The following BMPER variants were observed in gnomAD, a reference collection of about 807,000 sequenced individuals.
The protein encoded by BMPER is BMP binding endothelial regulator.
A neutral mutation model predicts 87.3 loss-of-function variants in BMPER; 45 were observed. The observed-to-expected ratio is 0.52, with a 90% CI of 0.41 to 0.66. The LOEUF is 0.66. Ranked by LOEUF, BMPER falls within the 30% of genes least tolerant of loss-of-function variation. The pLI is 0.00. For synonymous variants in BMPER, 326 were observed against 316.2 expected, an observed-to-expected ratio of 1.03 and a Z score of -0.33; for missense variants, 784 against 867.5, an observed-to-expected ratio of 0.90 and a Z score of 1.21.
intron 2 of BMPER, among the ~76,000 whole-genome samples, chr7:33,915,705 G>T (rs185286211): frequency 6.6e-6 from 1 of 152,316 alleles, no homozygotes; most frequent in East Asian, 1.9e-4. Flanking sequence ...ATGGGTTAAA[G>T]GCCAAGATGT....
chr7:34,046,515 G>A, intron 7 of BMPER, 110 bp downstream of exon 7: 2 of 1,189,698 alleles, frequency 1.7e-6, no homozygotes, highest in Admixed American at 1.8e-5. Context: ...CCTATTTCGT[G>A]GCTTGTTAGA....
Position 34,072,043 on chromosome 7 carries a change from A to T in BMPER, c.1079-6814A>T, listed in dbSNP as rs1047238670. 4.4e-4 allele frequency among the ~76,000 whole-genome samples: 67 copies of T among 152,166 alleles called. 3 individuals carry two copies. The highest frequency in any genetic ancestry group is 1.5e-5 in the Non-Finnish European group (1 of 68,028). ...TTGAAGCCACAGTGTCTTGGGTTGG[A>T]TTCCGTCTTACAACTATTGGCCGAG... On this transcript the variant is annotated intron_variant, in intron 11 of 14. Coordinates refer to ENST00000649409, the MANE Select transcript of BMPER (RefSeq NM_001365308.1).
At chr7:34,016,205 A>G (rs1034851841) in intron 6 of BMPER, among the ~76,000 whole-genome samples, 1 of 151,938 alleles carries the variant, frequency 6.6e-6, no homozygotes, top group Non-Finnish European at 1.5e-5. Flanking sequence ...ATGTTTGCCA[A>G]TTACCTTACT....
intron 11 of BMPER, among the ~76,000 whole-genome samples, chr7:34,075,615 G>A (rs548698454): frequency 2.0e-5 from 3 of 152,284 alleles, no homozygotes; most frequent in East Asian, 1.9e-4. Context: ...ATTCAAACAA[G>A]GTTAGTTTCA....
intron 3 of BMPER, among the ~76,000 whole-genome samples, chr7:33,943,124 A>G (rs1172237244): frequency 2.6e-5 from 4 of 152,242 alleles, no homozygotes; most frequent in Non-Finnish European, 5.9e-5. Context: ...AAGTTAAACA[A>G]GAAAGGAGAA....
At chr7:34,005,882 T>A (rs767506240) in intron 6 of BMPER, among the ~76,000 whole-genome samples, 2 of 152,094 alleles carry the variant, frequency 1.3e-5, no homozygotes, top group Non-Finnish European at 2.9e-5. Context: ...TGAGGTTAAA[T>A]CTTTCCTTGT....
intron 2 of BMPER, among the ~76,000 whole-genome samples, chr7:33,916,791 C>A (rs1313213229): frequency 6.6e-6 from 1 of 152,156 alleles, no homozygotes; most frequent in Non-Finnish European, 1.5e-5. Flanking sequence ...AAGAGGTCCA[C>A]AACCTTGGGA....
intron 13 of BMPER, among the ~76,000 whole-genome samples, chr7:34,116,256 A>G (rs1790115958): frequency 6.6e-6 from 1 of 152,242 alleles, no homozygotes; most frequent in Admixed American, 6.5e-5. Flanking sequence ...GTAGTATACA[A>G]TAAAACACTG....
chr7:34,047,119 C>A (rs566270083), intron 7 of BMPER, among the ~76,000 whole-genome samples: 1 of 152,122 alleles, frequency 6.6e-6, no homozygotes, highest in South Asian at 2.1e-4. Flanking sequence ...TTCCTGAGCC[C>A]AGCTCTAACC....
intron 14 of BMPER, among the ~76,000 whole-genome samples, chr7:34,151,225 T>A (rs1791167408): frequency 1.3e-5 from 2 of 152,172 alleles, no homozygotes; most frequent in South Asian, 4.1e-4. Context: ...TCCAATCCCC[T>A]CTCTGTTGTG....
chr7:34,019,936 GTTTTTTTAGAAGGT>G (rs1384320170), intron 6 of BMPER, among the ~76,000 whole-genome samples: 5 of 150,300 alleles, frequency 3.3e-5, no homozygotes, highest in African/African-American at 9.8e-5. Flanking sequence ...GTTCTGTAAG[GTTTTTTTAGAAGGT>G]TTTTTTTTTT....
chr7:34,093,139 A>G (rs1585826082), intron 13 of BMPER, among the ~76,000 whole-genome samples: 1 of 152,220 alleles, frequency 6.6e-6, no homozygotes. Flanking sequence ...TAGGAAAAGG[A>G]TATAGATCAA....
At chr7:34,124,776 AT>A (rs1049344908) in intron 13 of BMPER, among the ~76,000 whole-genome samples, 1 of 152,118 alleles carries the variant, frequency 6.6e-6, no homozygotes, top group Non-Finnish European at 1.5e-5. Flanking sequence ...GTTAAGAACA[AT>A]TTTGGCTCTC....
chr7:34,000,578 T>C (rs1585724271), intron 6 of BMPER, among the ~76,000 whole-genome samples: 1 of 151,988 alleles, frequency 6.6e-6, no homozygotes, highest in Non-Finnish European at 1.5e-5. Flanking sequence ...CTCTCTCTCT[T>C]CCTCTCTTTC....
intron 11 of BMPER, among the ~76,000 whole-genome samples, chr7:34,068,532 G>A (rs1788654556): frequency 1.3e-5 from 2 of 151,902 alleles, no homozygotes; most frequent in South Asian, 2.1e-4. Context: ...TTCTGCTCAA[G>A]TACAGAGAAG....
intron 7 of BMPER, among the ~76,000 whole-genome samples, chr7:34,050,967 G>A (rs1314201722): frequency 6.6e-6 from 1 of 152,110 alleles, no homozygotes; most frequent in Non-Finnish European, 1.5e-5. Context: ...TGCTATCTTA[G>A]TCTGTTTAGT....
At chr7:33,946,110 A>G (rs1305811779) in intron 3 of BMPER, among the ~76,000 whole-genome samples, 3 of 152,210 alleles carry the variant, frequency 2.0e-5, no homozygotes, top group Non-Finnish European at 4.4e-5. Flanking sequence ...AAGTACAATC[A>G]TGGCAGAAAG....
chr7:33,962,117 T>C (rs1785287093), intron 3 of BMPER, among the ~76,000 whole-genome samples: 1 of 152,198 alleles, frequency 6.6e-6, no homozygotes, highest in African/African-American at 2.4e-5. Flanking sequence ...GTATTCTTTC[T>C]CCCTTGGGAT....
intron 13 of BMPER, among the ~76,000 whole-genome samples, chr7:34,133,571 A>T (rs1790646952): frequency 6.6e-6 from 1 of 152,198 alleles, no homozygotes; most frequent in Non-Finnish European, 1.5e-5. Context: ...GAGTCACTCC[A>T]GCAAATTAAC....
Sources: allele counts gnomAD v4.1 joint callset (sites outside exome capture counted in the v4.1 genomes callset), GRCh38; gene constraint gnomAD v4.1.1; transcripts MANE v1.5; gene names NCBI Gene and HGNC (gene_info 2026-07-23, HGNC 2026-07-21).